The following MACROD2 variants were observed in gnomAD, a reference collection of about 807,000 sequenced individuals.
MACROD2 encodes the protein ADP-ribose glycohydrolase MACROD2.
Under a neutral mutation model 70.4 loss-of-function variants are expected in MACROD2, and 36 were observed. The observed-to-expected ratio is 0.51, with a 90% CI of 0.39 to 0.68. The LOEUF is 0.68. Ranked by LOEUF, MACROD2 falls within the 30% of genes least tolerant of loss-of-function variation. The probability of loss-of-function intolerance (pLI) is 0.00; values close to 1 mark genes in which losing one functional copy is unlikely to be tolerated. For synonymous variants in MACROD2, 172 were observed against 178.8 expected, an observed-to-expected ratio of 0.96 and a Z score of 0.30; for missense variants, 496 against 538.4, an observed-to-expected ratio of 0.92 and a Z score of 0.78.
At chr20:14,276,116 C>T (rs1398477732) in intron 3 of MACROD2, among the ~76,000 whole-genome samples, 7 of 152,080 alleles carry the variant, frequency 4.6e-5, no homozygotes, top group African/African-American at 7.2e-5. Context: ...ACCCAGCCAT[C>T]CCATTACTGG....
At chr20:14,870,213 G>T (rs1434082845) in intron 5 of MACROD2, among the ~76,000 whole-genome samples, 1 of 152,026 alleles carries the variant, frequency 6.6e-6, no homozygotes, top group Non-Finnish European at 1.5e-5. Context: ...TTTATTTTCT[G>T]TTCCTGTGTT....
At chr20:15,618,238 TA>T (rs1418308458) in intron 8 of MACROD2, among the ~76,000 whole-genome samples, 1 of 151,726 alleles carries the variant, frequency 6.6e-6, no homozygotes, top group African/African-American at 2.4e-5. Context: ...TCGAGGACAG[TA>T]TGCTTTTTAA....
chr20:15,563,143 A>G (rs1302443731), intron 8 of MACROD2, among the ~76,000 whole-genome samples: 1 of 152,180 alleles, frequency 6.6e-6, no homozygotes, highest in Non-Finnish European at 1.5e-5. Context: ...TGCCCTTAGG[A>G]ACAGCATCAC....
At chr20:15,227,829 T>TTTTTTTTG (rs2076922056) in intron 5 of MACROD2, among the ~76,000 whole-genome samples, 1 of 111,584 alleles carries the variant, frequency 9.0e-6, no homozygotes, top group East Asian at 2.1e-4. Context: ...ACCTGTTTTT[T>TTTTTTTTG]TTTTTTTTTT....
intron 3 of MACROD2, among the ~76,000 whole-genome samples, chr20:14,149,384 CTTTA>C (rs2054986573): frequency 6.6e-6 from 1 of 152,016 alleles, no homozygotes; most frequent in Non-Finnish European, 1.5e-5. Context: ...ACCACATTTT[CTTTA>C]TTTAATTCAC....
At chr20:15,265,076 G>A (rs2077281435) in intron 6 of MACROD2, among the ~76,000 whole-genome samples, 1 of 152,106 alleles carries the variant, frequency 6.6e-6, no homozygotes, top group South Asian at 2.1e-4. Flanking sequence ...TAACAGTATG[G>A]CAGCACCTGG....
intron 3 of MACROD2, among the ~76,000 whole-genome samples, chr20:14,372,084 T>G (rs2083330128): frequency 6.6e-6 from 1 of 152,164 alleles, no homozygotes; most frequent in Non-Finnish European, 1.5e-5. Flanking sequence ...TGCCTGATTT[T>G]GCTTATCATC....
At chr20:15,268,513 G>A (rs922877860) in intron 6 of MACROD2, among the ~76,000 whole-genome samples, 7 of 152,134 alleles carry the variant, frequency 4.6e-5, no homozygotes, top group Non-Finnish European at 7.3e-5. Flanking sequence ...AATTAGCCAG[G>A]TGTGGTCGTG....
chr20:14,955,175 TATA>T (rs1160400400), intron 5 of MACROD2, among the ~76,000 whole-genome samples: 15 of 111,954 alleles, frequency 1.3e-4, no homozygotes, highest in South Asian at 6.8e-4. Flanking sequence ...ATTTATATAA[TATA>T]ATATATAATT....
intron 6 of MACROD2, among the ~76,000 whole-genome samples, chr20:15,369,485 AT>A (rs1159893248): frequency 5.3e-5 from 8 of 151,970 alleles, no homozygotes; most frequent in Non-Finnish European, 8.8e-5. Flanking sequence ...TTAGGGAAAA[AT>A]GTTATGTTTT....
intron 10 of MACROD2, among the ~76,000 whole-genome samples, chr20:15,897,908 C>T (rs1705750140): frequency 6.6e-6 from 1 of 152,088 alleles, no homozygotes; most frequent in Non-Finnish European, 1.5e-5. Flanking sequence ...TGGATTTTTA[C>T]TTATGGAAGC....
intron 5 of MACROD2, among the ~76,000 whole-genome samples, chr20:14,978,270 A>G (rs977093385): frequency 3.3e-5 from 5 of 152,178 alleles, no homozygotes; most frequent in African/African-American, 1.2e-4. Flanking sequence ...ATATGTATCT[A>G]TTCAGTACTA....
At chr20:15,077,442 T>C (rs16995290) in intron 5 of MACROD2, among the ~76,000 whole-genome samples, 7,487 of 152,256 alleles carry the variant, frequency 0.049, 640 homozygotes, top group African/African-American at 0.17. Context: ...GATGTAACAC[T>C]GTAGGAGATA....
chr20:15,976,901 T>C (rs1485729679), intron 13 of MACROD2, among the ~76,000 whole-genome samples: 3 of 152,144 alleles, frequency 2.0e-5, no homozygotes, highest in Non-Finnish European at 1.5e-5. Flanking sequence ...GGGTCAAGCC[T>C]TACAAGTCAC....
At chr20:14,416,249 A>T (rs944297772) in intron 3 of MACROD2, among the ~76,000 whole-genome samples, 1 of 151,806 alleles carries the variant, frequency 6.6e-6, no homozygotes, top group Non-Finnish European at 1.5e-5. Context: ...GAGCCACCGC[A>T]CCCATCCTCT....
chr20:14,343,023 T>C (rs796336117), intron 3 of MACROD2, among the ~76,000 whole-genome samples: 33 of 152,128 alleles, frequency 2.2e-4, no homozygotes, highest in African/African-American at 7.7e-4. Context: ...AAAGGAGGAA[T>C]TGTGGTTCAG....
At chr20:15,136,263 A>G (rs867082219) in intron 5 of MACROD2, among the ~76,000 whole-genome samples, 267 of 138,552 alleles carry the variant, frequency 1.9e-3, no homozygotes, top group Middle Eastern at 7.2e-3. Flanking sequence ...AGTCAATCCT[A>G]AGCCAAAAGA....
At position 14,464,304 on chromosome 20, in the gene MACROD2, T is replaced by A. The variant is rs531879297; in HGVS notation, c.272-29175T>A. Among the ~76,000 whole-genome samples the A allele has an allele frequency of 7.4e-4, 113 of 152,260 alleles. 1 individual carries two copies. The highest frequency in any genetic ancestry group is 2.7e-3 in the African/African-American group (112 of 41,504). The stretch of plus-strand genomic sequence containing the variant: ...AGGAATTTATCCATTTCTTCTAGAT[T>A]TTCTAGTTTATTTGCGTAGAGGTAT... On this transcript the variant is annotated intron_variant, in intron 3 of 17. Transcript: ENST00000684519.
intron 6 of MACROD2, among the ~76,000 whole-genome samples, chr20:15,232,537 CTGT>C (rs2076967914): frequency 6.6e-6 from 1 of 152,010 alleles, no homozygotes; most frequent in African/African-American, 2.4e-5. Context: ...ACTCATGTGG[CTGT>C]TGTTATAGGG....
Sources: gnomAD v4.1 joint callset for allele counts (sites outside exome capture counted in the v4.1 genomes callset) on GRCh38, gnomAD v4.1.1 for gene constraint, MANE v1.5 for transcripts, NCBI Gene and HGNC (gene_info 2026-07-23, HGNC 2026-07-21) for gene names.